ARPP19: variants seen among roughly 807,000 people sequenced by gnomAD.
ARPP19 encodes the protein cAMP-regulated phosphoprotein 19.
In ARPP19, 8 loss-of-function variants were observed where a neutral mutation model predicts 12.0. That is an observed-to-expected ratio of 0.67 (90% CI 0.39 to 1.21). The LOEUF (loss-of-function observed/expected upper bound fraction) is 1.21, where lower values mean the gene tolerates loss of function less well. Ranked by LOEUF, ARPP19 falls within the 50% of genes most tolerant of loss-of-function variation. The pLI is 0.01. For synonymous variants in ARPP19, 47 were observed against 50.4 expected, an observed-to-expected ratio of 0.93 and a Z score of 0.29; for missense variants, 102 against 136.3, an observed-to-expected ratio of 0.75 and a Z score of 1.25.
At chr15:52,558,445 C>T (rs118070642) in intron 1 of ARPP19, among the ~76,000 whole-genome samples, 3,496 of 141,546 alleles carry the variant, frequency 0.025, 66 homozygotes, top group Non-Finnish European at 0.035. Context: ...CCAGGTCTAG[C>T]GAGAACTTGT....
chr15:52,552,197 T>C, intron 2 of ARPP19, 93 bp from the exon 3 acceptor site: 1 of 709,236 alleles, frequency 1.4e-6, no homozygotes, highest in Non-Finnish European at 2.4e-6. Context: ...ATAAGGTTGG[T>C]CTAAAAGAAT....
intron 2 of ARPP19, 168 bp downstream of exon 2, chr15:52,556,932 C>T (rs1275968005): frequency 1.7e-6 from 1 of 589,200 alleles, no homozygotes; most frequent in Non-Finnish European, 2.8e-6. Flanking sequence ...TCTCACAATG[C>T]TTATTTATAA....
rs776746187 is a variant in ARPP19 at position 52,552,018 on chromosome 15, C to A, written c.255G>T (p.Thr85=). ...KQLPTAAPDK[T]EVTGDHIPTP... is the part of the protein sequence containing the mutation. ...TGGGAATGTGGTCACCAGTGACCTC[C>A]GTCTTATCCGGAGCTGCAGTAGGAA... Residue 85 remains threonine, a synonymous_variant, in exon 3 of 3, where the codon ACG becomes ACT. Transcript: ENST00000249822. 6.2e-7 allele frequency: 1 copy of A among 1,609,524 alleles called. No individual in the cohort carries two copies.
rs562570352 is a variant in ARPP19, at chr15:52,560,489, G to A, written c.46-3267C>T. ...TTCTTGCCAAATACATAGCACAACT[G>A]AAAGCCCCTGCTAGCTGCAACTTCC... is the stretch of plus-strand genomic sequence containing the variant. On this transcript the variant is annotated intron_variant, in intron 1 of 2. Transcript: ENST00000249822. Among the ~76,000 whole-genome samples the A allele has an allele frequency of 1.6e-4, 25 of 152,288 alleles. No individual in the cohort carries two copies. The South Asian group carries it at 2.3e-3, about 14-fold the overall frequency.
At chr15:52,558,306 C>T (rs185089829) in intron 1 of ARPP19, among the ~76,000 whole-genome samples, 1 of 151,836 alleles carries the variant, frequency 6.6e-6, no homozygotes, top group East Asian at 1.9e-4. Context: ...AAAAATTAGC[C>T]GGGCATGATG....
Position 52,557,173 on chromosome 15 carries a change from A to T in ARPP19, c.95T>A (p.Leu32Ter). The change falls in exon 2 of 3, where the codon TTA becomes TAA. Residue 32 changes from leucine to a stop codon, truncating the protein, a stop_gained. Coordinates refer to ENST00000249822, the MANE Select transcript of ARPP19 (RefSeq NM_006628.6). LOFTEE classifies it high-confidence loss of function. ...TCCCAGATGAGGATATCTTGCTTTTAATTTTGCTTCTTCTGCTTTCTCTGG... is the reference window on the plus strand; with the variant it reads ...TCCCAGATGAGGATATCTTGCTTTTTATTTTGCTTCTTCTGCTTTCTCTGG... ...TSPEKAEEAK[L>*]KARYPHLGQK... 6.2e-7 allele frequency: 1 copy of T among 1,612,658 alleles called. No homozygotes were observed. The highest frequency in any genetic ancestry group is 8.5e-7 in the Non-Finnish European group (1 of 1,179,164).
intron 1 of ARPP19, 113 bp downstream of exon 1, chr15:52,568,735 G>A: frequency 1.5e-6 from 1 of 658,954 alleles, no homozygotes; most frequent in South Asian, 2.4e-5. Context: ...AGGAGCCTCG[G>A]CCTCATGCGC....
rs2141710532 is a variant in ARPP19, at chr15:52,547,284, T to C, written c.*4650A>G. The C allele has an allele frequency of 6.6e-6, 1 of 152,278 alleles. No homozygotes were observed. Among genetic ancestry groups the C allele is most frequent in the Admixed American group, 6.5e-5 (1 of 15,292 alleles). 9.4% of individuals were successfully genotyped at this position (152,278 alleles called of 1,614,324 possible). A position where few individuals can be genotyped will look rare whatever the true frequency, so the allele number is the denominator to read the frequency against. On this transcript the variant is annotated 3_prime_UTR_variant, in exon 3 of 3. Coordinates refer to ENST00000249822, the MANE Select transcript of ARPP19 (RefSeq NM_006628.6). ...TATTTTTTAAATACAAGTATAATTT[T>C]GGAAGGGGTATTTGACAAATTCAGC...
chr15:52,568,546 T>C (rs1218827311), intron 1 of ARPP19: 3 of 361,678 alleles, frequency 8.3e-6, no homozygotes, highest in African/African-American at 2.1e-5. Flanking sequence ...ACAGAAAAAC[T>C]TAGGCTCTAC....
chr15:52,561,417 ACAAGT>A (rs1267266543), intron 1 of ARPP19, among the ~76,000 whole-genome samples: 2 of 152,202 alleles, frequency 1.3e-5, no homozygotes, highest in Non-Finnish European at 2.9e-5. Flanking sequence ...TATACTGATA[ACAAGT>A]CAATATTGTA....
chr15:52,557,379 T>C, intron 1 of ARPP19, 157 bp from the exon 2 acceptor site: 2 of 615,164 alleles, frequency 3.3e-6, no homozygotes, highest in Non-Finnish European at 5.6e-6. Context: ...AACATCTCTA[T>C]CTTGTTTTTC....
rs10709933 is a variant in ARPP19, at chr15:52,562,865, G to GTTTT, written c.46-5647_46-5644dup. On this transcript the variant is annotated intron_variant, in intron 1 of 2. Transcript: ENST00000249822. ...GGGGTGGATATGGCAAGCTTAAGAA[G>GTTTT]TTTTTTTTTTTTTTTTTTTTGAGAC... Among the ~76,000 whole-genome samples, 4 of 92,918 alleles carry GTTTT rather than the reference G, an allele frequency of 4.3e-5. No homozygotes were observed. The South Asian group carries it at 1.5e-3, about 36-fold the overall frequency. The allele number at this position is 92,918 out of a possible 152,430, so 61.0% of individuals were successfully genotyped here.
intron 2 of ARPP19, among the ~76,000 whole-genome samples, chr15:52,553,777 C>G (rs190885070): frequency 1.9e-3 from 296 of 152,316 alleles, no homozygotes; most frequent in Admixed American, 4.3e-3. Flanking sequence ...AACAAAATAG[C>G]TAGGAACTCA....
chr15:52,566,876 T>C (rs1052656667), intron 1 of ARPP19, among the ~76,000 whole-genome samples: 9 of 152,240 alleles, frequency 5.9e-5, no homozygotes, highest in African/African-American at 1.2e-4. Context: ...CCACTCAAGA[T>C]AGAGAAAGTG....
At chr15:52,569,437 C>T (rs149202389), upstream of ARPP19, among the ~76,000 whole-genome samples, 9 of 152,338 alleles carry the variant, frequency 5.9e-5, no homozygotes, top group East Asian at 1.7e-3. Flanking sequence ...TCCAGTCCTA[C>T]GTCTCTGCCT....
chr15:52,568,982 G>A lies in ARPP19; in HGVS notation c.-90C>T, dbSNP rs566134107. 387 of 920,948 alleles carry A rather than the reference G, an allele frequency of 4.2e-4. 1 individual carries two copies. Among genetic ancestry groups the A allele is most frequent in the Non-Finnish European group, 5.9e-4 (367 of 618,218 alleles). 57.0% of individuals were successfully genotyped at this position (920,948 alleles called of 1,614,324 possible). On this transcript the variant is annotated 5_prime_UTR_variant, in exon 1 of 3. Coordinates refer to ENST00000249822, the MANE Select transcript of ARPP19 (RefSeq NM_006628.6). ...GCCGCCGCCCGTCCCAGCTCTCCCA[G>A]GGCCCGCCGGGCCGCCTCCGCCCGC...
rs115863354 is a variant in ARPP19, at chr15:52,565,771, T to C, written c.45+3077A>G. ...CAATTGCTGCCATATTCCAAATACA[T>C]TGGAAATTTAGTTTCAGCAAAATAC... On this transcript the variant is annotated intron_variant, in intron 1 of 2. Coordinates refer to ENST00000249822, the MANE Select transcript of ARPP19 (RefSeq NM_006628.6). 5.8e-3 allele frequency among the ~76,000 whole-genome samples: 877 copies of C among 152,326 alleles called. 9 individuals are homozygous for C. Among genetic ancestry groups the C allele is most frequent in the African/African-American group, 0.02 (846 of 41,568 alleles).
chr15:52,561,531 A>G (rs1015793117), intron 1 of ARPP19, among the ~76,000 whole-genome samples: 2 of 152,212 alleles, frequency 1.3e-5, no homozygotes, highest in Non-Finnish European at 2.9e-5. Flanking sequence ...ATAATTTAGA[A>G]AAGGGTTTAT....
Position 52,551,007 on chromosome 15 carries a change from C to CT in ARPP19, c.*926dup, listed in dbSNP as rs2077925144. The CT allele has an allele frequency of 6.6e-6, 1 of 152,656 alleles. No homozygotes were observed. The highest frequency in any genetic ancestry group is 2.4e-5 in the African/African-American group (1 of 41,460). 9.5% of individuals were successfully genotyped at this position (152,656 alleles called of 1,614,324 possible). A position where few individuals can be genotyped will look rare whatever the true frequency, so the allele number is the denominator to read the frequency against. ...ATGGATATTAGTAACAAATGAAAAG[C>CT]TTAAGTCTATGGCAGATTGAACTAA... On this transcript the variant is annotated 3_prime_UTR_variant, in exon 3 of 3. Transcript: ENST00000249822.
Sources: allele counts gnomAD v4.1 joint callset (sites outside exome capture counted in the v4.1 genomes callset), GRCh38; gene constraint gnomAD v4.1.1; transcripts MANE v1.5; gene names NCBI Gene and HGNC (gene_info 2026-07-23, HGNC 2026-07-21).